The following TMEM117 variants were observed in gnomAD, a reference collection of about 807,000 sequenced individuals.
The protein encoded by TMEM117 is transmembrane protein 117.
Under a neutral mutation model 52.4 loss-of-function variants are expected in TMEM117, and 27 were observed. The ratio of observed to expected loss-of-function variants is 0.51; its 90% CI spans 0.38 to 0.71. The LOEUF is 0.71. Among genes scored for constraint, TMEM117 ranks in the 30% least tolerant of loss-of-function variants. The pLI is 0.00. For missense variants in TMEM117, 556 were observed against 630.5 expected, an observed-to-expected ratio of 0.88 and a Z score of 1.26; for synonymous variants, 215 against 206.3, an observed-to-expected ratio of 1.04 and a Z score of -0.36.
chr12:43,863,028 C>T (rs184488177), intron 2 of TMEM117, among the ~76,000 whole-genome samples: 1 of 152,142 alleles, frequency 6.6e-6, no homozygotes, highest in East Asian at 1.9e-4. Context: ...GGCACAGTGG[C>T]TCACACCTGT....
chr12:44,314,980 T>C (rs1565705846), intron 6 of TMEM117, among the ~76,000 whole-genome samples: 1 of 152,190 alleles, frequency 6.6e-6, no homozygotes, highest in Non-Finnish European at 1.5e-5. Flanking sequence ...TGATTCACTG[T>C]TGGGGCTTGT....
chr12:43,995,629 A>T (rs1946016913), intron 3 of TMEM117, among the ~76,000 whole-genome samples: 1 of 152,128 alleles, frequency 6.6e-6, no homozygotes, highest in African/African-American at 2.4e-5. Flanking sequence ...TGTACTCATC[A>T]CCTGAGCAAT....
Position 44,195,450 on chromosome 12 carries a change from ACAGGTTCCACC to A in TMEM117, c.511-15836_511-15826del, listed in dbSNP as rs544027668. Among the ~76,000 whole-genome samples, 413 of 152,286 alleles carry A rather than the reference ACAGGTTCCACC, an allele frequency of 2.7e-3. 1 individual carries two copies. Among genetic ancestry groups the A allele is most frequent in the Non-Finnish European group, 4.4e-3 (302 of 68,016 alleles). ...CTTTCTTTTGCTGCTCATCATAGTC[ACAGGTTCCACC>A]CAGAACTAAAGGAAAGAGGATTACA... On this transcript the variant is annotated intron_variant, in intron 4 of 7. Transcript: ENST00000266534.
chr12:44,222,712 C>T (rs776990148), intron 5 of TMEM117, among the ~76,000 whole-genome samples: 3 of 152,154 alleles, frequency 2.0e-5, no homozygotes, highest in Non-Finnish European at 4.4e-5. Context: ...CCTATTCTCT[C>T]CACCTCTGTG....
At chr12:43,877,525 CT>C (rs1350409095) in intron 2 of TMEM117, among the ~76,000 whole-genome samples, 1 of 151,526 alleles carries the variant, frequency 6.6e-6, no homozygotes, top group Non-Finnish European at 1.5e-5. Context: ...ATCCTAGCTA[CT>C]TGGGAGGCTG....
intron 2 of TMEM117, among the ~76,000 whole-genome samples, chr12:43,858,147 G>A (rs1943431204): frequency 2.6e-5 from 4 of 152,280 alleles, no homozygotes; most frequent in East Asian, 1.9e-4. Flanking sequence ...GATTCCTATC[G>A]TGGCTGTGAC....
intron 2 of TMEM117, among the ~76,000 whole-genome samples, chr12:43,896,733 C>T (rs150927230): frequency 6.6e-6 from 1 of 152,260 alleles, no homozygotes; most frequent in African/African-American, 2.4e-5. Context: ...GTGACTCCTC[C>T]CTCACTACAG....
chr12:44,333,056 C>T (rs2138729438), intron 6 of TMEM117, among the ~76,000 whole-genome samples: 1 of 152,096 alleles, frequency 6.6e-6, no homozygotes, highest in Non-Finnish European at 1.5e-5. Flanking sequence ...TAAATGATTA[C>T]TGAAGAGTGT....
chr12:44,369,729 T>C (rs1251124817), intron 6 of TMEM117, among the ~76,000 whole-genome samples: 1 of 152,176 alleles, frequency 6.6e-6, no homozygotes, highest in East Asian at 1.9e-4. Flanking sequence ...TAGTGATGAA[T>C]GAGGTATGCC....
rs550942911 is a variant in TMEM117 at position 44,348,567 on chromosome 12, C to T, written c.769-28028C>T. ...CATAATTTGCTATCTCAGAACTGTACATTTTAACAATTTTTAAAACATTTT... is the reference window on the plus strand; with the variant it reads ...CATAATTTGCTATCTCAGAACTGTATATTTTAACAATTTTTAAAACATTTT... On this transcript the variant is annotated intron_variant, in intron 6 of 7. Coordinates refer to ENST00000266534, the MANE Select transcript of TMEM117 (RefSeq NM_032256.3). 7.9e-5 allele frequency among the ~76,000 whole-genome samples: 12 copies of T among 152,094 alleles called. No individual in the cohort carries two copies. In the South Asian group the frequency reaches 2.3e-3, roughly 29 times the overall value.
intron 6 of TMEM117, among the ~76,000 whole-genome samples, chr12:44,352,263 ATTTTG>A (rs956685607): frequency 1.4e-4 from 22 of 152,018 alleles, no homozygotes; most frequent in South Asian, 4.1e-4. Flanking sequence ...TTTAAAAATA[ATTTTG>A]TTTTGTTTTG....
intron 3 of TMEM117, among the ~76,000 whole-genome samples, chr12:44,038,646 C>A (rs966186990): frequency 6.6e-6 from 1 of 152,186 alleles, no homozygotes; most frequent in African/African-American, 2.4e-5. Flanking sequence ...CAAAGGTGCC[C>A]CTGGCCACAG....
intron 6 of TMEM117, among the ~76,000 whole-genome samples, chr12:44,306,713 A>G (rs1466480714): frequency 6.6e-6 from 1 of 152,226 alleles, no homozygotes; most frequent in East Asian, 1.9e-4. Flanking sequence ...GTGAAAGAGT[A>G]AAGGAATTAA....
chr12:43,840,917 A>G (rs1277909461), intron 1 of TMEM117, among the ~76,000 whole-genome samples: 2 of 152,228 alleles, frequency 1.3e-5, no homozygotes, highest in African/African-American at 2.4e-5. Flanking sequence ...CTGATTGTAA[A>G]GATGTTTTAT....
At chr12:44,321,875 A>G (rs978726858) in intron 6 of TMEM117, among the ~76,000 whole-genome samples, 15 of 152,216 alleles carry the variant, frequency 9.9e-5, no homozygotes, top group African/African-American at 3.1e-4. Flanking sequence ...TGGCAAATGT[A>G]TCTTTAAATA....
chr12:43,799,345 A>G, the TMEM117 span: 21 of 1,169,952 alleles, frequency 1.8e-5, no homozygotes, highest in East Asian at 4.9e-4. Context: ...AATTAAAAAT[A>G]CAGTATTTTC....
intron 5 of TMEM117, among the ~76,000 whole-genome samples, chr12:44,278,920 C>G (rs1224673214): frequency 1.3e-5 from 2 of 152,154 alleles, no homozygotes; most frequent in African/African-American, 4.8e-5. Flanking sequence ...GCTCTTTCTT[C>G]AAGGCAATGG....
intron 2 of TMEM117, among the ~76,000 whole-genome samples, chr12:43,943,718 T>A (rs1396464626): frequency 6.6e-6 from 1 of 152,220 alleles, no homozygotes; most frequent in Non-Finnish European, 1.5e-5. Context: ...ACTTAATTTT[T>A]TCTTTCAAGT....
intron 2 of TMEM117, among the ~76,000 whole-genome samples, chr12:43,853,800 TGG>T (rs1005349368): frequency 6.6e-6 from 1 of 152,178 alleles, no homozygotes; most frequent in African/African-American, 2.4e-5. Context: ...AGGATCATAG[TGG>T]GCCAGGACAG....
Sources: gnomAD v4.1 joint callset for allele counts (sites outside exome capture counted in the v4.1 genomes callset) on GRCh38, gnomAD v4.1.1 for gene constraint, MANE v1.5 for transcripts, NCBI Gene and HGNC (gene_info 2026-07-23, HGNC 2026-07-21) for gene names.